Variants in KLHL13 observed in about 807,000 individuals in gnomAD.
KLHL13 encodes kelch-like protein 13.
KLHL13 carries 10 observed loss-of-function variants against 37.1 expected under a neutral mutation model. The observed-to-expected ratio is 0.27, with a 90% confidence interval of 0.17 to 0.46. The LOEUF (loss-of-function observed/expected upper bound fraction) is 0.46, where lower values mean the gene tolerates loss of function less well. Ranked by LOEUF, KLHL13 falls within the 20% of genes least tolerant of loss-of-function variation. The pLI, the probability that KLHL13 is intolerant of heterozygous loss-of-function variation, is 1.00. For missense variants in KLHL13, 360 were observed against 509.3 expected (o/e 0.71, Z 2.82); for synonymous variants, 163 against 181.2 (o/e 0.90, Z 0.81).
At chrX:118,091,808 A>G (rs1268927277) in intron 1 of KLHL13, among the ~76,000 whole-genome samples, 1 of 111,522 alleles carries the variant, frequency 9.0e-6, no homozygotes, top group East Asian at 2.8e-4. Context: ...ACTCTAGGAT[A>G]AAGAAAATGT....
intron 5 of KLHL13, among the ~76,000 whole-genome samples, chrX:117,907,033 T>A (rs1930590417): frequency 8.9e-6 from 1 of 111,830 alleles, no homozygotes; most frequent in Admixed American, 9.5e-5. Flanking sequence ...AAAGCCTAAA[T>A]ATGAATTTAG....
At chrX:118,092,921 C>A (rs1453870800) in intron 1 of KLHL13, among the ~76,000 whole-genome samples, 1 of 111,915 alleles carries the variant, frequency 8.9e-6, no homozygotes, top group East Asian at 2.8e-4. Flanking sequence ...GTAATTATTT[C>A]AAACAAACTT....
intron 1 of KLHL13, among the ~76,000 whole-genome samples, chrX:118,101,691 A>T (rs1376913864): frequency 9.0e-6 from 1 of 111,094 alleles, no homozygotes; most frequent in African/African-American, 3.3e-5. Flanking sequence ...GTGTGGAGGG[A>T]GGGACCTGTA....
intron 1 of KLHL13, among the ~76,000 whole-genome samples, chrX:118,030,723 T>G (rs2054327811): frequency 8.9e-6 from 1 of 111,846 alleles, no homozygotes; most frequent in Non-Finnish European, 1.9e-5. Context: ...TTGTGTGTTC[T>G]CTCTCTCCCT....
At chrX:118,104,048 TAA>T (rs60645250) in intron 1 of KLHL13, among the ~76,000 whole-genome samples, 46 of 42,572 alleles carry the variant, frequency 1.1e-3, no homozygotes, top group African/African-American at 3.6e-3. Context: ...TCATTTCCAC[TAA>T]AAAAAAAAAA....
chrX:117,990,362 C>A (rs2053774417), intron 1 of KLHL13, among the ~76,000 whole-genome samples: 1 of 111,173 alleles, frequency 9.0e-6, no homozygotes, highest in African/African-American at 3.3e-5. Context: ...AGGGAAATGT[C>A]AGTAATCAAC....
intron 1 of KLHL13, among the ~76,000 whole-genome samples, chrX:118,053,723 C>CAATAAA (rs1186026798): frequency 2.9e-5 from 3 of 102,359 alleles, no homozygotes; most frequent in African/African-American, 1.1e-4. Context: ...AGAAGAATGG[C>CAATAAA]AATAAAAAGA....
chrX:118,079,003 C>T (rs2054959141), intron 1 of KLHL13, among the ~76,000 whole-genome samples: 1 of 109,761 alleles, frequency 9.1e-6, no homozygotes, highest in African/African-American at 3.3e-5. Flanking sequence ...TATTCTATTG[C>T]AGGTAAATTA....
intron 5 of KLHL13, among the ~76,000 whole-genome samples, chrX:117,906,202 G>T (rs1339766512): frequency 9.0e-6 from 1 of 111,463 alleles, no homozygotes; most frequent in Non-Finnish European, 1.9e-5. Flanking sequence ...TGTAGGGTAG[G>T]GGAAATGTTA....
chrX:118,096,507 G>A (rs1298978885), intron 1 of KLHL13, among the ~76,000 whole-genome samples: 2 of 111,654 alleles, frequency 1.8e-5, no homozygotes, highest in Non-Finnish European at 3.8e-5. Context: ...GGTACAAGGA[G>A]GAGCTGGTAC....
intron 1 of KLHL13, among the ~76,000 whole-genome samples, chrX:117,948,304 A>C (rs1933420914): frequency 8.9e-6 from 1 of 112,219 alleles, no homozygotes; most frequent in Non-Finnish European, 1.9e-5. Context: ...AATGCTAGCA[A>C]TATGAAACAC....
chrX:117,963,213 G>A (rs12396883), intron 1 of KLHL13, among the ~76,000 whole-genome samples: 6,130 of 111,354 alleles, frequency 0.055, 412 homozygotes, highest in African/African-American at 0.19. Flanking sequence ...ATGTGGGGGG[G>A]AAATGGGTAA....
At chrX:117,975,440 G>C (rs2053586685), upstream of KLHL13, among the ~76,000 whole-genome samples, 1 of 111,680 alleles carries the variant, frequency 9.0e-6, no homozygotes, top group Non-Finnish European at 1.9e-5. Flanking sequence ...ACCTAGGCTG[G>C]AGTGCGGTGG....
rs887625074 is a variant in KLHL13, at chrX:118,057,936, G to A, written c.-56+58572C>T. Among the ~76,000 whole-genome samples, 4 of 111,462 alleles carry A rather than the reference G, an allele frequency of 3.6e-5. No homozygotes were observed. In the East Asian group the frequency reaches 1.1e-3, roughly 31 times the overall value. On this transcript the variant is annotated intron_variant, in intron 1 of 6. Coordinates refer to the KLHL13 transcript ENST00000371882. Reference sequence around the variant, plus strand: ...ACAGCAACAACAACAATTTAAAACTGGACAGCTTCCTTTAGGCCCAAACAG... The same window carrying A: ...ACAGCAACAACAACAATTTAAAACTAGACAGCTTCCTTTAGGCCCAAACAG...
intron 4 of KLHL13, among the ~76,000 whole-genome samples, chrX:117,918,471 T>G (rs1393510146): frequency 9.0e-6 from 1 of 111,717 alleles, no homozygotes; most frequent in South Asian, 3.8e-4. Flanking sequence ...TAAAAAATTA[T>G]AGAAAACATA....
At chrX:117,977,715 CTTTG>C (rs1190608619), upstream of KLHL13, among the ~76,000 whole-genome samples, 1 of 112,229 alleles carries the variant, frequency 8.9e-6, no homozygotes, top group Non-Finnish European at 1.9e-5. Flanking sequence ...AAATTGTGTG[CTTTG>C]TTTATGTTCC....
exon 7 of KLHL13, chrX:117,899,230 C>G: frequency 8.3e-7 from 1 of 1,211,272 alleles, no homozygotes; most frequent in Non-Finnish European, 1.1e-6. Context: ...ATCATAATCA[C>G]TTGTTCCTCT....
At chrX:117,920,368 G>C in exon 3 of KLHL13, 1 of 1,203,901 alleles carries the variant, frequency 8.3e-7, no homozygotes, top group Non-Finnish European at 1.1e-6. Context: ...GCTGGTCAAA[G>C]CCCTACAACA....
intron 1 of KLHL13, among the ~76,000 whole-genome samples, chrX:118,110,377 CTTTTTTTTTTTTTT>C (rs1054663520): frequency 9.7e-5 from 8 of 82,560 alleles, no homozygotes; most frequent in Non-Finnish European, 1.8e-4. Flanking sequence ...ATTTCTTTTT[CTTTTTTTTTTTTTT>C]TTTTTTGAAA....
Sources: gnomAD v4.1 joint callset for allele counts (sites outside exome capture counted in the v4.1 genomes callset) on GRCh38, gnomAD v4.1.1 for gene constraint, MANE v1.5 for transcripts, NCBI Gene and HGNC (gene_info 2026-07-23, HGNC 2026-07-21) for gene names.